The following ASIC4 variants were observed in gnomAD, a reference collection of about 807,000 sequenced individuals.
ASIC4 encodes acid-sensing ion channel 4.
In ASIC4, 28 loss-of-function variants were observed where a neutral mutation model predicts 53.4. The ratio of observed to expected loss-of-function variants is 0.52; its 90% CI spans 0.39 to 0.72. The LOEUF (loss-of-function observed/expected upper bound fraction) is 0.72. Among genes scored for constraint, ASIC4 ranks in the 30% least tolerant of loss-of-function variants. The pLI is 0.00. For missense variants in ASIC4, 649 were observed against 729.7 expected, an observed-to-expected ratio of 0.89 and a Z score of 1.27; for synonymous variants, 289 against 301.4, an observed-to-expected ratio of 0.96 and a Z score of 0.43.
chr2:219,533,964 G>A (rs1475276447), intron 5 of ASIC4: 1 of 147,212 alleles, frequency 6.8e-6, no homozygotes, highest in East Asian at 2.1e-4. Context: ...AGCCTGGGAG[G>A]TTGAGGCTGC....
intron 1 of ASIC4, among the ~76,000 whole-genome samples, chr2:219,515,747 G>GT (rs1177710059): frequency 2.0e-5 from 3 of 152,294 alleles, no homozygotes; most frequent in Admixed American, 2.0e-4. Context: ...GGGGAGGTTT[G>GT]GGGGGCTCCA....
chr2:219,527,092 C>T (rs537500263), intron 1 of ASIC4, among the ~76,000 whole-genome samples: 1 of 152,338 alleles, frequency 6.6e-6, no homozygotes, highest in South Asian at 2.1e-4. Flanking sequence ...GAGCAGTGGA[C>T]AACCTGTGGG....
chr2:219,525,789 T>A (rs1294443015), intron 1 of ASIC4, among the ~76,000 whole-genome samples: 1 of 152,176 alleles, frequency 6.6e-6, no homozygotes, highest in Non-Finnish European at 1.5e-5. Flanking sequence ...CCCATTCCAC[T>A]GGCCCTCTCT....
At chr2:219,509,271 T>G (rs1398456207), upstream of ASIC4, among the ~76,000 whole-genome samples, 1 of 151,536 alleles carries the variant, frequency 6.6e-6, no homozygotes, top group African/African-American at 2.4e-5. This position sits in a 1 kb window ranked among gnomAD's most constrained non-coding sequence, Gnocchi z 5.2. Context: ...CCACATCTGC[T>G]GCATCCGCAC....
At chr2:219,519,526 C>T (rs1367808684) in intron 1 of ASIC4, among the ~76,000 whole-genome samples, 4 of 152,218 alleles carry the variant, frequency 2.6e-5, no homozygotes, top group South Asian at 2.1e-4. Context: ...TGCAGGAGTG[C>T]GCACACACTG....
Position 219,532,436 on chromosome 2 carries a change from C to T in ASIC4, c.977C>T (p.Ala326Val). 1 of 1,613,818 alleles carries T rather than the reference C, an allele frequency of 6.2e-7. No homozygotes were observed. The highest frequency in any genetic ancestry group is 1.1e-5 in the South Asian group (1 of 91,080). Residue 326 changes from alanine to valine, a missense_variant, in exon 4 of 10, where the codon GCC (alanine) becomes GTC (valine). Transcript: ENST00000358078. ...SACRLRCEKE[A>V]VLQRCHCRMV... is the part of the protein sequence containing the mutation. ...TGCCGGCTGCGCTGTGAAAAGGAGGCCGTGCTTCAGCGCTGCCACTGCCGG... is the reference window on the plus strand; with the variant it reads ...TGCCGGCTGCGCTGTGAAAAGGAGGTCGTGCTTCAGCGCTGCCACTGCCGG...
Position 219,532,103 on chromosome 2 carries a change from C to A in ASIC4, c.830C>A (p.Thr277Asn). 6.2e-7 allele frequency: 1 copy of A among 1,614,212 alleles called. No individual in the cohort carries two copies. Among genetic ancestry groups the A allele is most frequent in the Non-Finnish European group, 8.5e-7 (1 of 1,180,024 alleles). ...TTCGGGGTGTCCCCAGGCTTCCAGA[C>A]CTTTGTGTCCTGCCAGGAACAGCGG... ...LGFGVSPGFQTFVSCQEQRLT... is the reference protein window; with the variant it reads ...LGFGVSPGFQNFVSCQEQRLT... The change falls in exon 3 of 10, where the codon ACC (threonine) becomes AAC (asparagine). Residue 277 changes from threonine (T) to asparagine (N), a missense_variant. Physicochemically the swap from Thr to Asn is moderately conservative, Grantham distance 65. Transcript: ENST00000358078.
chr2:219,513,738 G>T (rs1694731962), upstream of ASIC4, among the ~76,000 whole-genome samples: 1 of 152,228 alleles, frequency 6.6e-6, no homozygotes, highest in Non-Finnish European at 1.5e-5. Context: ...AGCTGGCCAG[G>T]GTGCTGTCTG....
chr2:219,509,699 G>A (rs1404905538), upstream of ASIC4, among the ~76,000 whole-genome samples: 4 of 152,130 alleles, frequency 2.6e-5, no homozygotes, highest in Non-Finnish European at 1.5e-5. The surrounding 1 kb of genome is among the most constrained non-coding windows in gnomAD (Gnocchi z 5.2). Context: ...GAGTTCAAGG[G>A]GTGATCTCTG....
upstream of ASIC4, chr2:219,514,341 C>T (rs1177384047): frequency 6.5e-7 from 1 of 1,541,448 alleles, no homozygotes; most frequent in Non-Finnish European, 8.7e-7. Flanking sequence ...GGCTCCGGAG[C>T]ACATGCTGAG....
chr2:219,537,039 C>T lies in ASIC4; in HGVS notation c.1230-27C>T, dbSNP rs13414184. 2.4e-3 allele frequency: 3,772 copies of T among 1,604,050 alleles called. 78 individuals are homozygous for T. In the African/African-American group the frequency reaches 0.042, roughly 18 times the overall value. The stretch of plus-strand genomic sequence containing the variant: ...GCCTTCTCAGGAAGAGAGGCCCACA[C>T]GGATACCCTGCTTCCTGTCTCCACA... On this transcript the variant is annotated intron_variant, in intron 6 of 9. Transcript: ENST00000358078. This position sits in a 1 kb window ranked among gnomAD's most constrained non-coding sequence, Gnocchi z 4.9.
chr2:219,508,831 G>A, the ASIC4 span, among the ~76,000 whole-genome samples: 2 of 151,334 alleles, frequency 1.3e-5, no homozygotes, highest in African/African-American at 4.9e-5. Flanking sequence ...GGAGGGATGC[G>A]GGGGAGGGGT....
At chr2:219,530,695 G>T (rs1216690714) in intron 1 of ASIC4, among the ~76,000 whole-genome samples, 1 of 151,284 alleles carries the variant, frequency 6.6e-6, no homozygotes, top group East Asian at 1.9e-4. Flanking sequence ...GAGTGTGTGT[G>T]CGGGGGCATT....
In ASIC4 at chr2:219,531,858, T is replaced by C; in HGVS notation, c.683T>C (p.Leu228Pro). The change falls in exon 2 of 10, where the codon CTG becomes CCG. Residue 228 changes from leucine to proline, a missense_variant. Transcript: ENST00000358078. ...ATGGGCAGTGGCCTGGAGATCATGC[T>C]GGACATCCAGCAGGAGGAGTACCTG... ...GGMGSGLEIM[L>P]DIQQEEYLPI... The C allele has an allele frequency of 1.2e-6, 2 of 1,613,632 alleles. No homozygotes were observed. Among genetic ancestry groups the C allele is most frequent in the Non-Finnish European group, 1.7e-6 (2 of 1,179,762 alleles).
chr2:219,507,973 A>G, the ASIC4 span, among the ~76,000 whole-genome samples: 2 of 151,978 alleles, frequency 1.3e-5, no homozygotes, highest in South Asian at 2.1e-4. Context: ...GATTGGGCCA[A>G]ATGTGACCTC....
Position 219,517,298 on chromosome 2 carries a change from G to C in ASIC4, c.582+1992G>C, listed in dbSNP as rs1357588070. On this transcript the variant is annotated intron_variant, in intron 1 of 9. Transcript: ENST00000358078. This position sits in a 1 kb window ranked among gnomAD's most constrained non-coding sequence, Gnocchi z 4.2. ...GTCCCCGGAATCCTGGGGATGGCCT[G>C]GAGGAGTGTGGGTGGATTTCCCACA... The C allele has an allele frequency of 2.0e-5, 3 of 152,362 alleles. No homozygotes were observed. Among genetic ancestry groups the C allele is most frequent in the Admixed American group, 1.3e-4 (2 of 15,278 alleles). 9.4% of individuals were successfully genotyped at this position (152,362 alleles called of 1,614,324 possible).
intron 1 of ASIC4, among the ~76,000 whole-genome samples, chr2:219,523,240 T>C (rs918176231): frequency 3.9e-5 from 6 of 152,236 alleles, no homozygotes; most frequent in African/African-American, 1.4e-4. Flanking sequence ...ACTGACTTTC[T>C]AGGGTGTAAG....
Position 219,535,186 on chromosome 2 carries a change from G to T in ASIC4, c.1091G>T (p.Gly364Val). Residue 364 changes from glycine to valine, a missense_variant, in exon 6 of 10, where the codon GGC becomes GTC. By Grantham distance (109) the Gly-to-Val change is moderately radical. Coordinates refer to ENST00000358078, the MANE Select transcript of ASIC4 (RefSeq NM_018674.6). ...TGTGTTGCAGACTCCCTGGGTGGGG[G>T]CCCTGAGGGCCCGTGCTTCTGCCCC... Reference protein sequence around the residue: ...ADHTLDSLGGGPEGPCFCPTP... With the variant: ...ADHTLDSLGGVPEGPCFCPTP... 6.2e-7 allele frequency: 1 copy of T among 1,613,392 alleles called. No homozygotes were observed. The highest frequency in any genetic ancestry group is 8.5e-7 in the Non-Finnish European group (1 of 1,179,660).
chr2:219,525,214 G>C (rs1310374585), intron 1 of ASIC4, among the ~76,000 whole-genome samples: 1 of 152,176 alleles, frequency 6.6e-6, no homozygotes, highest in East Asian at 1.9e-4. Context: ...GTTCATGCTG[G>C]TCTCTACAAA....
Sources: allele counts gnomAD v4.1 joint callset (sites outside exome capture counted in the v4.1 genomes callset), GRCh38; gene constraint gnomAD v4.1.1; non-coding constraint Gnocchi (gnomAD v3.1); transcripts MANE v1.5; gene names NCBI Gene and HGNC (gene_info 2026-07-23, HGNC 2026-07-21).